The following CCSER1 variants were observed in gnomAD, a reference collection of about 807,000 sequenced individuals.
CCSER1 encodes serine-rich coiled-coil domain-containing protein 1.
A neutral mutation model predicts 82.0 loss-of-function variants in CCSER1; 41 were observed. The observed-to-expected ratio is 0.50, with a 90% CI of 0.39 to 0.65. The LOEUF (loss-of-function observed/expected upper bound fraction) is 0.65. Ranked by LOEUF, CCSER1 falls within the 30% of genes least tolerant of loss-of-function variation. The probability of loss-of-function intolerance (pLI) is 0.00; values close to 1 mark genes in which losing one functional copy is unlikely to be tolerated. For missense variants in CCSER1, 1,119 were observed against 1,064.2 expected, an observed-to-expected ratio of 1.05 and a Z score of -0.72; for synonymous variants, 414 against 383.9, an observed-to-expected ratio of 1.08 and a Z score of -0.92.
At chr4:91,529,736 C>A (rs1560741107) in intron 10 of CCSER1, among the ~76,000 whole-genome samples, 1 of 151,982 alleles carries the variant, frequency 6.6e-6, no homozygotes, top group African/African-American at 2.4e-5. Context: ...CTCAGGAAGT[C>A]TTTGATTTGT....
chr4:90,820,347 G>A (rs529141290), intron 8 of CCSER1, among the ~76,000 whole-genome samples: 5 of 152,258 alleles, frequency 3.3e-5, no homozygotes, highest in Admixed American at 1.3e-4. Flanking sequence ...TATAAAAACA[G>A]AAATATATTT....
intron 1 of CCSER1, among the ~76,000 whole-genome samples, chr4:90,182,306 C>G (rs1733868032): frequency 6.6e-6 from 1 of 151,796 alleles, no homozygotes; most frequent in Non-Finnish European, 1.5e-5. Context: ...TTTTATTTGA[C>G]CTAAAAAATA....
chr4:91,241,548 G>A (rs1357678127), intron 10 of CCSER1, among the ~76,000 whole-genome samples: 2 of 145,076 alleles, frequency 1.4e-5, no homozygotes, highest in African/African-American at 2.5e-5. Context: ...GGATGGTCTC[G>A]ATCTCCTGAC....
In CCSER1 at chr4:91,066,581, C is replaced by T. The variant is rs572897110; in HGVS notation, c.2173-19369C>T. ...AGGAGAAAGTAACATTTTCCAAAGC[C>T]GGTGTGAATAGATAATTATTCTTCT... On this transcript the variant is annotated intron_variant, in intron 9 of 10. Transcript: ENST00000509176. Among the ~76,000 whole-genome samples, 6 of 152,154 alleles carry T rather than the reference C, an allele frequency of 3.9e-5. No homozygotes were observed. In the East Asian group the frequency reaches 9.7e-4, roughly 24 times the overall value.
intron 7 of CCSER1, among the ~76,000 whole-genome samples, chr4:90,790,535 G>T (rs2149657200): frequency 8.1e-6 from 1 of 124,032 alleles, no homozygotes; most frequent in Admixed American, 7.7e-5. Context: ...CTGACCATTG[G>T]GATTCTGGAT....
intron 1 of CCSER1, among the ~76,000 whole-genome samples, chr4:90,176,863 G>A (rs1183487147): frequency 6.6e-6 from 1 of 152,034 alleles, no homozygotes; most frequent in Admixed American, 6.6e-5. Context: ...TTAGACATCT[G>A]TGTTATTCTC....
At chr4:91,159,797 A>G (rs1731194611) in intron 10 of CCSER1, among the ~76,000 whole-genome samples, 2 of 152,010 alleles carry the variant, frequency 1.3e-5, no homozygotes, top group Admixed American at 6.6e-5. Context: ...AATTTTAAAT[A>G]TAACTCAAAA....
chr4:91,356,311 A>G (rs1748830043), intron 10 of CCSER1, among the ~76,000 whole-genome samples: 1 of 152,214 alleles, frequency 6.6e-6, no homozygotes. Flanking sequence ...TTTTCTTTTT[A>G]ACTTACGAAA....
chr4:91,432,495 A>T (rs1754386741), intron 10 of CCSER1, among the ~76,000 whole-genome samples: 1 of 152,166 alleles, frequency 6.6e-6, no homozygotes, highest in African/African-American at 2.4e-5. Flanking sequence ...GCTTAAAACA[A>T]TTTACAATGT....
At chr4:90,878,556 G>T (rs544977686) in intron 8 of CCSER1, among the ~76,000 whole-genome samples, 1 of 152,180 alleles carries the variant, frequency 6.6e-6, no homozygotes, top group South Asian at 2.1e-4. Context: ...TAAAGTGCAT[G>T]GTCTAAAATA....
intron 10 of CCSER1, among the ~76,000 whole-genome samples, chr4:91,375,334 G>T (rs1046677474): frequency 6.6e-6 from 1 of 152,176 alleles, no homozygotes; most frequent in Admixed American, 6.5e-5. Flanking sequence ...TTGTTAAAAT[G>T]ACCAGAAGTA....
chr4:91,185,728 C>A (rs991697226), intron 10 of CCSER1, among the ~76,000 whole-genome samples: 1 of 152,150 alleles, frequency 6.6e-6, no homozygotes, highest in Non-Finnish European at 1.5e-5. Context: ...TCAGGATCAG[C>A]AGTTTTCTTT....
chr4:91,264,692 C>G (rs1250992366), intron 10 of CCSER1, among the ~76,000 whole-genome samples: 3 of 151,980 alleles, frequency 2.0e-5, no homozygotes, highest in Non-Finnish European at 4.4e-5. Flanking sequence ...GGCATTCCAT[C>G]CAAGTACTAA....
intron 10 of CCSER1, among the ~76,000 whole-genome samples, chr4:91,120,790 TG>T (rs1469153649): frequency 6.6e-6 from 1 of 151,804 alleles, no homozygotes. Flanking sequence ...AAGTCCGAGG[TG>T]ATCAAGAAGA....
chr4:91,474,114 C>A (rs1757429359), intron 10 of CCSER1, among the ~76,000 whole-genome samples: 1 of 151,896 alleles, frequency 6.6e-6, no homozygotes, highest in Admixed American at 6.6e-5. Context: ...CTTGACTAGC[C>A]TCATCAAAAT....
At chr4:91,145,048 T>C (rs1560465293) in intron 10 of CCSER1, among the ~76,000 whole-genome samples, 1 of 152,078 alleles carries the variant, frequency 6.6e-6, no homozygotes, top group Non-Finnish European at 1.5e-5. Flanking sequence ...TCTAACACTG[T>C]TAGTGGGGTG....
intron 1 of CCSER1, among the ~76,000 whole-genome samples, chr4:90,180,926 T>A (rs115574684): frequency 0.029 from 4,429 of 152,292 alleles, 107 homozygotes; most frequent in South Asian, 0.061. Flanking sequence ...GCTCTACTGT[T>A]TACTAGCTAG....
chr4:91,372,526 T>A (rs550599483), intron 10 of CCSER1, among the ~76,000 whole-genome samples: 1 of 151,930 alleles, frequency 6.6e-6, no homozygotes, highest in Non-Finnish European at 1.5e-5. Flanking sequence ...CTCAATTCTA[T>A]TGTTCTTTCT....
intron 5 of CCSER1, among the ~76,000 whole-genome samples, chr4:90,524,615 C>T (rs1039453308): frequency 5.9e-5 from 9 of 152,096 alleles, no homozygotes; most frequent in Non-Finnish European, 1.0e-4. Flanking sequence ...ACTACGGGCG[C>T]GTGCCACTAC....
Sources: allele counts gnomAD v4.1 joint callset (sites outside exome capture counted in the v4.1 genomes callset), GRCh38; gene constraint gnomAD v4.1.1; transcripts MANE v1.5; gene names NCBI Gene and HGNC (gene_info 2026-07-23, HGNC 2026-07-21).